ROR2: variants seen among roughly 807,000 people sequenced by gnomAD.
ROR2 encodes the protein tyrosine-protein kinase transmembrane receptor ROR2.
Under a neutral mutation model 74.9 loss-of-function variants are expected in ROR2, and 33 were observed. That is an observed-to-expected ratio of 0.44 (90% CI 0.33 to 0.59). ROR2 has a LOEUF of 0.59. Ranked by LOEUF, ROR2 falls within the 20% of genes least tolerant of loss-of-function variation. The pLI is 0.02. For synonymous variants in ROR2, 586 were observed against 558.7 expected (o/e 1.05, Z -0.69); for missense variants, 1,216 against 1,313.8 (o/e 0.93, Z 1.15).
At chr9:91,939,141 T>C (rs892797434) in intron 1 of ROR2, among the ~76,000 whole-genome samples, 4 of 151,928 alleles carry the variant, frequency 2.6e-5, no homozygotes, top group African/African-American at 4.8e-5. Context: ...TCCCAGCTAC[T>C]CAGGAGGCTG....
At chr9:91,871,055 A>G (rs1291204739) in intron 1 of ROR2, among the ~76,000 whole-genome samples, 1 of 152,240 alleles carries the variant, frequency 6.6e-6, no homozygotes, top group Non-Finnish European at 1.5e-5. Flanking sequence ...GTCCAGGTTT[A>G]GGGACTCTCC....
Position 91,860,887 on chromosome 9 carries a change from G to A in ROR2, c.98-85069C>T, listed in dbSNP as rs116019752. On this transcript the variant is annotated intron_variant, in intron 1 of 8. Coordinates refer to ENST00000375708, the MANE Select transcript of ROR2 (RefSeq NM_004560.4). The stretch of plus-strand genomic sequence containing the variant: ...TTCTCTAGGTACTCCTTAGTCTAGC[G>A]GACACCTAAAATTAACCATCACTTG... 4.6e-3 allele frequency among the ~76,000 whole-genome samples: 694 copies of A among 152,020 alleles called. 4 individuals are homozygous for A. The highest frequency in any genetic ancestry group is 0.016 in the African/African-American group (667 of 41,436).
intron 1 of ROR2, among the ~76,000 whole-genome samples, chr9:91,785,961 T>C (rs1181031583): frequency 2.0e-5 from 3 of 152,044 alleles, no homozygotes; most frequent in Middle Eastern, 3.4e-3. Context: ...TACTCAACCA[T>C]AGAAAGAGCC....
intron 1 of ROR2, among the ~76,000 whole-genome samples, chr9:91,859,721 A>T (rs1299877295): frequency 2.1e-4 from 32 of 152,098 alleles, no homozygotes; most frequent in Admixed American, 2.1e-3. Flanking sequence ...GCTACTTGAG[A>T]GGCTGAGGCA....
chr9:91,756,174 C>T (rs1249693659), intron 3 of ROR2, 73 bp from the exon 4 acceptor site: 33 of 1,480,372 alleles, frequency 2.2e-5, no homozygotes, highest in Non-Finnish European at 3.0e-5. Flanking sequence ...CAAATCAGGC[C>T]AGTGGCAAAC....
At position 91,724,544 on chromosome 9, in the gene ROR2, C is replaced by G. The variant is rs140655378; in HGVS notation, c.1950G>C (p.Gly650=). Residue 650 remains glycine, a synonymous_variant, in exon 9 of 9, where the codon GGG becomes GGC. Transcript: ENST00000375708. ...TCCAGCGGATAGGCAGCAGCGAGTT[C>G]CCCAGCAGCTTGTAGTAATCGGCGG... is the stretch of plus-strand genomic sequence containing the variant. The part of the protein sequence containing the change: ...VYAADYYKLL[G]NSLLPIRWMA... 6.2e-7 allele frequency: 1 copy of G among 1,614,198 alleles called. No individual in the cohort carries two copies. The highest frequency in any genetic ancestry group is 2.2e-5 in the East Asian group (1 of 44,870).
rs35146225 is a variant in ROR2 at position 91,735,606 on chromosome 9, C to CTTTTTTTTTTTTTT, written c.622+1771_622+1784dup. On this transcript the variant is annotated intron_variant, in intron 5 of 8. Transcript: ENST00000375708. ...GCACGGTTCCTACTAAGGGCTCTAA[C>CTTTTTTTTTTTTTT]TTTTTTTTTTTTTTTTTTTTTTTTT... is the stretch of plus-strand genomic sequence containing the variant. 6.5e-4 allele frequency among the ~76,000 whole-genome samples: 51 copies of CTTTTTTTTTTTTTT among 79,008 alleles called. 3 individuals are homozygous for CTTTTTTTTTTTTTT. Among genetic ancestry groups the CTTTTTTTTTTTTTT allele is most frequent in the South Asian group, 1.5e-3 (3 of 1,948 alleles). The allele number at this position is 79,008 out of a possible 152,430, so 51.8% of individuals were successfully genotyped here.
At chr9:91,792,339 GCT>G (rs1457361584) in intron 1 of ROR2, among the ~76,000 whole-genome samples, 1 of 138,412 alleles carries the variant, frequency 7.2e-6, no homozygotes, top group Non-Finnish European at 1.5e-5. Context: ...ACGGAGTCTC[GCT>G]CTGTCGCCCA....
At chr9:91,924,568 C>A (rs1345581664) in intron 1 of ROR2, among the ~76,000 whole-genome samples, 1 of 152,052 alleles carries the variant, frequency 6.6e-6, no homozygotes, top group African/African-American at 2.4e-5. Context: ...CAGAGGCGGG[C>A]GGATCACGAG....
At chr9:91,853,597 A>G (rs570001823) in intron 1 of ROR2, among the ~76,000 whole-genome samples, 70 of 152,184 alleles carry the variant, frequency 4.6e-4, no homozygotes, top group Non-Finnish European at 6.3e-4. Context: ...ATCCACCCCT[A>G]TGACAGGCAG....
At chr9:91,739,255 C>A (rs1483498343) in intron 4 of ROR2, among the ~76,000 whole-genome samples, 1 of 152,060 alleles carries the variant, frequency 6.6e-6, no homozygotes, top group African/African-American at 2.4e-5. Context: ...GCCTGTAATC[C>A]CAGCACTTTG....
intron 1 of ROR2, among the ~76,000 whole-genome samples, chr9:91,804,581 G>A (rs1587735060): frequency 6.6e-6 from 1 of 152,244 alleles, no homozygotes; most frequent in South Asian, 2.1e-4. Context: ...CAGGGTGGCA[G>A]AGCGTCATGC....
intron 1 of ROR2, among the ~76,000 whole-genome samples, chr9:91,890,462 T>C (rs887895975): frequency 6.6e-6 from 1 of 152,242 alleles, no homozygotes; most frequent in African/African-American, 2.4e-5. Flanking sequence ...TTTCTTCTCG[T>C]AGACGCTGCA....
intron 1 of ROR2, among the ~76,000 whole-genome samples, chr9:91,840,098 G>C (rs1001932200): frequency 6.6e-6 from 1 of 152,158 alleles, no homozygotes; most frequent in Non-Finnish European, 1.5e-5. Flanking sequence ...TCATCTGGCA[G>C]AGCAGAGAGT....
rs181467717 is a variant in ROR2, at chr9:91,792,515, A to G, written c.98-16697T>C. 1.8e-3 allele frequency among the ~76,000 whole-genome samples: 275 copies of G among 152,240 alleles called. 3 individuals carry two copies. Among genetic ancestry groups the G allele is most frequent in the East Asian group, 0.016 (84 of 5,170 alleles). On this transcript the variant is annotated intron_variant, in intron 1 of 8. Transcript: ENST00000375708. ...AGTAGACACTGGGTTTCACCGTGTTAGCCAAGATGGTCTCGATCTCCTGAC... is the reference window on the plus strand; with the variant it reads ...AGTAGACACTGGGTTTCACCGTGTTGGCCAAGATGGTCTCGATCTCCTGAC...
intron 1 of ROR2, among the ~76,000 whole-genome samples, chr9:91,820,676 C>T (rs1447706798): frequency 6.6e-6 from 1 of 152,186 alleles, no homozygotes; most frequent in Non-Finnish European, 1.5e-5. Context: ...GACTTGTGTC[C>T]CCCAAAATCA....
intron 1 of ROR2, among the ~76,000 whole-genome samples, chr9:91,930,489 C>T (rs1481387595): frequency 6.6e-6 from 1 of 152,238 alleles, no homozygotes; most frequent in East Asian, 1.9e-4. Flanking sequence ...CTCCTTTGTT[C>T]AGTGTGCTCT....
intron 1 of ROR2, among the ~76,000 whole-genome samples, chr9:91,927,685 T>C (rs147313353): frequency 0.055 from 8,167 of 148,280 alleles, 474 homozygotes; most frequent in East Asian, 0.24. Context: ...TGCCTCAGCC[T>C]CCCAAGTAGC....
At chr9:91,935,250 G>C (rs546101707) in intron 1 of ROR2, among the ~76,000 whole-genome samples, 1 of 152,224 alleles carries the variant, frequency 6.6e-6, no homozygotes, top group African/African-American at 2.4e-5. Context: ...AAACCTCAGA[G>C]GAGCAGCCAG....
Sources: gnomAD v4.1 joint callset for allele counts (sites outside exome capture counted in the v4.1 genomes callset) on GRCh38, gnomAD v4.1.1 for gene constraint, MANE v1.5 for transcripts, NCBI Gene and HGNC (gene_info 2026-07-23, HGNC 2026-07-21) for gene names.